The following ATP2B1 variants were observed in gnomAD, a reference collection of about 807,000 sequenced individuals.
ATP2B1 encodes ATPase plasma membrane Ca2+ transporting 1.
In ATP2B1, 14 loss-of-function variants were observed where a neutral mutation model predicts 124.2. That is an observed-to-expected ratio of 0.11 (90% CI 0.07 to 0.18). The LOEUF (loss-of-function observed/expected upper bound fraction) is 0.18. Among genes scored for constraint, ATP2B1 ranks in the 10% least tolerant of loss-of-function variants. ATP2B1 has a pLI of 1.00. For synonymous variants in ATP2B1, 449 were observed against 492.4 expected (o/e 0.91, Z 1.17); for missense variants, 763 against 1,466.1 (o/e 0.52, Z 7.83).
At chr12:89,591,884 A>C (rs547535162) in intron 20 of ATP2B1, among the ~76,000 whole-genome samples, 10 of 152,168 alleles carry the variant, frequency 6.6e-5, no homozygotes, top group African/African-American at 2.2e-4. Flanking sequence ...AACAGCTATA[A>C]ATATTTGAGT....
chr12:89,671,369 G>A (rs1469968396), intron 1 of ATP2B1, among the ~76,000 whole-genome samples: 2 of 152,118 alleles, frequency 1.3e-5, no homozygotes, highest in Non-Finnish European at 2.9e-5. Flanking sequence ...TATTTAGAAG[G>A]AAGAGTTTTC....
chr12:89,599,570 C>T (rs1875381513), intron 19 of ATP2B1, among the ~76,000 whole-genome samples: 1 of 152,052 alleles, frequency 6.6e-6, no homozygotes, highest in Admixed American at 6.6e-5. Context: ...ACATTCAAGA[C>T]AGTACATTGT....
At position 89,590,283 on chromosome 12, in the gene ATP2B1, G is replaced by GT. The variant is rs1873322748; in HGVS notation, c.*700dup. On this transcript the variant is annotated 3_prime_UTR_variant, in exon 21 of 21. Coordinates refer to ENST00000428670, the MANE Select transcript of ATP2B1 (RefSeq NM_001366521.1). ...ACCACTGCTCATGTTTTTTTGTTTTGTTTTGTTTTTTTCGTTTTTTTAAAC... is the reference window on the plus strand; with the variant it reads ...ACCACTGCTCATGTTTTTTTGTTTTGTTTTTGTTTTTTTCGTTTTTTTAAAC... 6.6e-6 allele frequency: 1 copy of GT among 151,792 alleles called. No homozygotes were observed. The highest frequency in any genetic ancestry group is 1.9e-4 in the East Asian group (1 of 5,174). The allele number at this position is 151,792 out of a possible 1,614,324, so 9.4% of individuals were successfully genotyped here.
intron 1 of ATP2B1, among the ~76,000 whole-genome samples, chr12:89,658,772 G>A (rs1365638433): frequency 1.3e-5 from 2 of 152,138 alleles, no homozygotes; most frequent in Non-Finnish European, 2.9e-5. Context: ...CAGGGGTTGA[G>A]TTTTCTATTA....
At chr12:89,650,789 T>C (rs1157351036) in intron 2 of ATP2B1, among the ~76,000 whole-genome samples, 7 of 152,028 alleles carry the variant, frequency 4.6e-5, no homozygotes, top group Non-Finnish European at 1.0e-4. Context: ...GTATAAAATA[T>C]AACATAGGAC....
chr12:89,677,124 T>C (rs960904984), intron 1 of ATP2B1, among the ~76,000 whole-genome samples: 1 of 152,178 alleles, frequency 6.6e-6, no homozygotes, highest in African/African-American at 2.4e-5. Context: ...TCTGTATATG[T>C]GCAGGGATAC....
intron 1 of ATP2B1, among the ~76,000 whole-genome samples, chr12:89,672,524 ATTCC>A (rs1427134317): frequency 3.3e-5 from 5 of 152,124 alleles, no homozygotes; most frequent in Non-Finnish European, 7.4e-5. Context: ...ATTCCTTTCT[ATTCC>A]TTTCTTATCT....
intron 1 of ATP2B1, among the ~76,000 whole-genome samples, chr12:89,671,771 G>GTTTTTTTTT (rs34218036): frequency 7.1e-6 from 1 of 139,964 alleles, no homozygotes; most frequent in African/African-American, 2.6e-5. Flanking sequence ...TCCCAAGGCA[G>GTTTTTTTTT]TTTTTTTTTT....
At position 89,674,105 on chromosome 12, in the gene ATP2B1, G is replaced by C. The variant is rs548192512; in HGVS notation, c.-221-17998C>G. ...CATTCAAGGCTTATCTGCATGGTAGGTGTTGGGGACACAGTGGTGAGCAAG... is the reference window on the plus strand; with the variant it reads ...CATTCAAGGCTTATCTGCATGGTAGCTGTTGGGGACACAGTGGTGAGCAAG... On this transcript the variant is annotated intron_variant, in intron 1 of 20. Coordinates refer to ENST00000428670, the MANE Select transcript of ATP2B1 (RefSeq NM_001366521.1). 2.6e-5 allele frequency among the ~76,000 whole-genome samples: 4 copies of C among 152,268 alleles called. No individual in the cohort carries two copies. The South Asian group carries it at 6.2e-4, about 24-fold the overall frequency.
At chr12:89,706,440 A>G (rs1892464986) in intron 1 of ATP2B1, among the ~76,000 whole-genome samples, 1 of 152,130 alleles carries the variant, frequency 6.6e-6, no homozygotes, top group Admixed American at 6.5e-5. Context: ...TTTGGTGGCA[A>G]TGGCTAGTTC....
At chr12:89,661,416 G>C (rs1886681985) in intron 1 of ATP2B1, among the ~76,000 whole-genome samples, 2 of 152,102 alleles carry the variant, frequency 1.3e-5, no homozygotes, top group African/African-American at 2.4e-5. Flanking sequence ...AAATCCAATA[G>C]TTCATTTTAT....
In ATP2B1 at chr12:89,621,813, AAC is replaced by A. The variant is rs1491461292; in HGVS notation, c.1345-24_1345-23del. 2.1e-5 allele frequency: 32 copies of A among 1,520,282 alleles called. No individual in the cohort carries two copies. In the East Asian group the frequency reaches 6.0e-4, roughly 28 times the overall value. The allele number at this position is 1,520,282 out of a possible 1,614,324, so 94.2% of individuals were successfully genotyped here. On this transcript the variant is annotated intron_variant, in intron 9 of 20. Transcript: ENST00000428670. ...TTTTCTACAGTGACCAAAAAAAAAA[AAC>A]TAGTTAAGCTGCATATAAAACCAAT...
At chr12:89,683,504 G>A (rs1350897605) in intron 1 of ATP2B1, among the ~76,000 whole-genome samples, 4 of 152,232 alleles carry the variant, frequency 2.6e-5, no homozygotes, top group African/African-American at 9.6e-5. Context: ...CTGGTTGACA[G>A]TCTAAACTGA....
intron 1 of ATP2B1, among the ~76,000 whole-genome samples, chr12:89,699,194 G>C (rs143370684): frequency 6.6e-6 from 1 of 152,252 alleles, no homozygotes; most frequent in African/African-American, 2.4e-5. Flanking sequence ...AGTCTACTAA[G>C]TCAACGCCTT....
intron 1 of ATP2B1, among the ~76,000 whole-genome samples, chr12:89,685,826 C>T (rs1009083911): frequency 6.6e-6 from 1 of 151,920 alleles, no homozygotes; most frequent in Admixed American, 6.6e-5. Flanking sequence ...ATGGGTGGGA[C>T]CCTAATCCAA....
upstream of ATP2B1, chr12:89,709,080 C>T (rs940271946): frequency 6.6e-6 from 1 of 151,128 alleles, no homozygotes; most frequent in Non-Finnish European, 1.5e-5. Context: ...CAGCCCGCCC[C>T]ACTCGGGGCG....
chr12:89,637,701 A>T (rs1023145693), intron 3 of ATP2B1, among the ~76,000 whole-genome samples: 1 of 152,152 alleles, frequency 6.6e-6, no homozygotes, highest in Non-Finnish European at 1.5e-5. Context: ...GCCCAGCTTT[A>T]TCTTTTACTT....
rs1255970189 is a variant in ATP2B1, at chr12:89,672,066, C to T, written c.-221-15959G>A. Among the ~76,000 whole-genome samples, 3 of 152,120 alleles carry T rather than the reference C, an allele frequency of 2.0e-5. 1 individual carries two copies. Among genetic ancestry groups the T allele is most frequent in the South Asian group, 4.1e-4 (2 of 4,826 alleles). ...TCTCTAGAGTAGAAAGAAGCAACAA[C>T]GAAATGACAAAATTCTAATTCTGAC... On this transcript the variant is annotated intron_variant, in intron 1 of 20. Transcript: ENST00000428670.
intron 1 of ATP2B1, among the ~76,000 whole-genome samples, chr12:89,680,739 C>T (rs1889237612): frequency 6.6e-6 from 1 of 152,022 alleles, no homozygotes; most frequent in Non-Finnish European, 1.5e-5. Context: ...AAAGGGTCCA[C>T]TGTATATCCG....
Sources: allele counts gnomAD v4.1 joint callset (sites outside exome capture counted in the v4.1 genomes callset), GRCh38; gene constraint gnomAD v4.1.1; transcripts MANE v1.5; gene names NCBI Gene and HGNC (gene_info 2026-07-23, HGNC 2026-07-21).